GRM1: variants seen among roughly 807,000 people sequenced by gnomAD.
GRM1 encodes glutamate metabotropic receptor 1, also known as metabotropic glutamate receptor 1.
GRM1 carries 33 observed loss-of-function variants against 90.9 expected under a neutral mutation model. The ratio of observed to expected loss-of-function variants is 0.36; its 90% CI spans 0.28 to 0.49. The LOEUF is 0.49. Ranked by LOEUF, GRM1 falls within the 20% of genes least tolerant of loss-of-function variation. GRM1 has a pLI of 0.99. For synonymous variants in GRM1, 700 were observed against 613.2 expected (o/e 1.14, Z -2.09); for missense variants, 1,190 against 1,534.3 (o/e 0.78, Z 3.75).
chr6:146,319,208 A>G (rs1433546043), intron 3 of GRM1, among the ~76,000 whole-genome samples: 1 of 151,570 alleles, frequency 6.6e-6, no homozygotes, highest in Non-Finnish European at 1.5e-5. Context: ...TCCCAACACA[A>G]TTTATTAAAT....
At chr6:146,128,871 A>G (rs1350153925) in intron 1 of GRM1, among the ~76,000 whole-genome samples, 1 of 152,156 alleles carries the variant, frequency 6.6e-6, no homozygotes, top group East Asian at 1.9e-4. Flanking sequence ...AGTACAGACC[A>G]TCCCTTGCAT....
intron 1 of GRM1, among the ~76,000 whole-genome samples, chr6:146,129,843 C>G (rs1285460635): frequency 6.6e-6 from 1 of 152,204 alleles, no homozygotes; most frequent in East Asian, 1.9e-4. Context: ...AAGTTATCAT[C>G]TCAGTATCAT....
intron 2 of GRM1, among the ~76,000 whole-genome samples, chr6:146,202,114 A>G (rs1256536462): frequency 6.6e-6 from 1 of 152,244 alleles, no homozygotes; most frequent in Non-Finnish European, 1.5e-5. Flanking sequence ...TATGCACTCC[A>G]TAAATATATA....
At chr6:146,315,351 C>T (rs1783930709) in intron 3 of GRM1, among the ~76,000 whole-genome samples, 1 of 152,096 alleles carries the variant, frequency 6.6e-6, no homozygotes, top group African/African-American at 2.4e-5. Context: ...TGTGGCACTG[C>T]ACTCCAGCCT....
chr6:146,242,113 G>C (rs1315768152), intron 2 of GRM1, among the ~76,000 whole-genome samples: 1 of 152,104 alleles, frequency 6.6e-6, no homozygotes, highest in African/African-American at 2.4e-5. Context: ...CTGTGTTCAG[G>C]AGCACAGTGA....
intron 3 of GRM1, among the ~76,000 whole-genome samples, chr6:146,339,868 C>T (rs1784908335): frequency 6.6e-6 from 1 of 152,196 alleles, no homozygotes; most frequent in Non-Finnish European, 1.5e-5. Flanking sequence ...ACTTGTACCA[C>T]CATAACATTC....
At chr6:146,150,759 T>A (rs916510884) in intron 1 of GRM1, among the ~76,000 whole-genome samples, 41 of 152,128 alleles carry the variant, frequency 2.7e-4, no homozygotes, top group African/African-American at 9.9e-4. Context: ...TCTATCTCCA[T>A]GAGATTTAAC....
At chr6:146,288,356 G>A (rs1358579466) in intron 2 of GRM1, among the ~76,000 whole-genome samples, 2 of 152,166 alleles carry the variant, frequency 1.3e-5, no homozygotes, top group Admixed American at 6.5e-5. Context: ...GTGGCAGAGA[G>A]CTTAGCTAAA....
At chr6:146,203,022 C>T (rs1779362194) in intron 2 of GRM1, among the ~76,000 whole-genome samples, 1 of 151,708 alleles carries the variant, frequency 6.6e-6, no homozygotes, top group African/African-American at 2.4e-5. Flanking sequence ...GGTGAAACCC[C>T]GTCTCACTAA....
At chr6:146,133,552 C>T (rs892761068) in intron 1 of GRM1, among the ~76,000 whole-genome samples, 8 of 152,144 alleles carry the variant, frequency 5.3e-5, no homozygotes, top group African/African-American at 1.9e-4. Context: ...CTTATGAAAA[C>T]TACCTGTCTT....
chr6:146,056,477 A>G (rs1775485821), intron 1 of GRM1, among the ~76,000 whole-genome samples: 1 of 152,174 alleles, frequency 6.6e-6, no homozygotes, highest in Non-Finnish European at 1.5e-5. Flanking sequence ...ACTGTGCCCA[A>G]GCTGCTAGTT....
At chr6:146,140,190 A>G (rs1776816757) in intron 1 of GRM1, among the ~76,000 whole-genome samples, 1 of 96,238 alleles carries the variant, frequency 1.0e-5, no homozygotes, top group Non-Finnish European at 2.0e-5. Flanking sequence ...TTTCCTGTCT[A>G]CATTTTAGTG....
chr6:146,129,710 G>A (rs762541196), intron 1 of GRM1, among the ~76,000 whole-genome samples: 20 of 152,104 alleles, frequency 1.3e-4, no homozygotes, highest in Admixed American at 4.6e-4. Flanking sequence ...ACTCTAGCCT[G>A]GGTCTGTTTT....
At chr6:146,376,176 A>G (rs1213518997) in intron 5 of GRM1, among the ~76,000 whole-genome samples, 1 of 152,090 alleles carries the variant, frequency 6.6e-6, no homozygotes, top group Non-Finnish European at 1.5e-5. Context: ...ATATGCCTTA[A>G]CTTTGTATCC....
chr6:146,240,401 C>T (rs1780811936), intron 2 of GRM1, among the ~76,000 whole-genome samples: 1 of 151,158 alleles, frequency 6.6e-6, no homozygotes, highest in African/African-American at 2.4e-5. Context: ...GGCAGGGTTA[C>T]CAGACCAAGG....
intron 1 of GRM1, among the ~76,000 whole-genome samples, chr6:146,040,740 C>G (rs1791068089): frequency 6.6e-6 from 1 of 151,846 alleles, no homozygotes; most frequent in Admixed American, 6.6e-5. Flanking sequence ...TGGGTGAAAT[C>G]TGTGTGGTGT....
chr6:146,337,703 T>G (rs1269672180), intron 3 of GRM1, among the ~76,000 whole-genome samples: 1 of 152,174 alleles, frequency 6.6e-6, no homozygotes. Context: ...CAGACTCAAA[T>G]TTTGTGTTTA....
At position 146,088,338 on chromosome 6, in the gene GRM1, A is replaced by C. The variant is rs1031796560; in HGVS notation, c.700+58121A>C. ...TGAGAGTTTGTTATATATTCTAAAA[A>C]TATGTTCTTTGCCAGGTATGTGGTC... is the stretch of plus-strand genomic sequence containing the variant. On this transcript the variant is annotated intron_variant, in intron 1 of 7. Transcript: ENST00000282753. 3.4e-4 allele frequency among the ~76,000 whole-genome samples: 52 copies of C among 152,218 alleles called. 1 individual carries two copies. Among genetic ancestry groups the C allele is most frequent in the Middle Eastern group, 3.4e-3 (1 of 294 alleles).
intron 1 of GRM1, among the ~76,000 whole-genome samples, chr6:146,119,778 C>G (rs1775910169): frequency 6.6e-6 from 1 of 152,104 alleles, no homozygotes; most frequent in Non-Finnish European, 1.5e-5. Flanking sequence ...TCTGAGGGCT[C>G]TGTTCTGTTC....
Sources: allele counts gnomAD v4.1 joint callset (sites outside exome capture counted in the v4.1 genomes callset), GRCh38; gene constraint gnomAD v4.1.1; transcripts MANE v1.5; gene names NCBI Gene and HGNC (gene_info 2026-07-23, HGNC 2026-07-21).